Variants in ATRNL1 observed in about 807,000 individuals in gnomAD.
The protein encoded by ATRNL1 is attractin like 1, also known as attractin-like protein 1.
A neutral mutation model predicts 182.7 loss-of-function variants in ATRNL1; 95 were observed. The ratio of observed to expected loss-of-function variants is 0.52; its 90% CI spans 0.44 to 0.62. ATRNL1 has a LOEUF of 0.62. ATRNL1 is among the 20% of genes least tolerant of loss of function. The probability of loss-of-function intolerance (pLI) is 0.00; values close to 1 mark genes in which losing one functional copy is unlikely to be tolerated. For missense variants in ATRNL1, 1,471 were observed against 1,679.5 expected, an observed-to-expected ratio of 0.88 and a Z score of 2.17; for synonymous variants, 576 against 568.3, an observed-to-expected ratio of 1.01 and a Z score of -0.19.
intron 27 of ATRNL1, among the ~76,000 whole-genome samples, chr10:115,782,893 T>C (rs910749509): frequency 2.0e-5 from 3 of 152,214 alleles, no homozygotes; most frequent in South Asian, 4.1e-4. Context: ...AGGACAGTTA[T>C]GAAAGATTCT....
At chr10:115,637,615 T>TTAC (rs1411636898) in intron 26 of ATRNL1, among the ~76,000 whole-genome samples, 14 of 147,254 alleles carry the variant, frequency 9.5e-5, no homozygotes, top group African/African-American at 3.5e-4. Flanking sequence ...ATTATTATTA[T>TTAC]TATTATTATT....
chr10:115,842,386 A>C (rs1950830344), intron 27 of ATRNL1, among the ~76,000 whole-genome samples: 1 of 152,100 alleles, frequency 6.6e-6, no homozygotes, highest in Non-Finnish European at 1.5e-5. Flanking sequence ...AAGGATTGGA[A>C]ATTTTAAATT....
chr10:115,140,612 G>T (rs1329143379), intron 5 of ATRNL1, among the ~76,000 whole-genome samples: 2 of 152,088 alleles, frequency 1.3e-5, no homozygotes, highest in African/African-American at 4.8e-5. Context: ...TTATCAAATT[G>T]TTCCTGTTCC....
At chr10:115,323,057 C>T (rs1188275274) in intron 18 of ATRNL1, among the ~76,000 whole-genome samples, 1 of 151,864 alleles carries the variant, frequency 6.6e-6, no homozygotes, top group Non-Finnish European at 1.5e-5. Flanking sequence ...ATGATGTTTT[C>T]AAATAATTTT....
intron 26 of ATRNL1, among the ~76,000 whole-genome samples, chr10:115,551,845 A>G (rs2133814643): frequency 6.6e-6 from 1 of 151,556 alleles, no homozygotes; most frequent in African/African-American, 2.4e-5. Context: ...TTAGTCAAAG[A>G]CAATTGCAGT....
chr10:115,110,776 A>T, intron 1 of ATRNL1, among the ~76,000 whole-genome samples: 1 of 152,328 alleles, frequency 6.6e-6, no homozygotes, highest in African/African-American at 2.4e-5. Context: ...TTCTTTAAAC[A>T]TGATGGTCAA....
intron 9 of ATRNL1, among the ~76,000 whole-genome samples, chr10:115,230,917 G>A (rs982301419): frequency 7.2e-5 from 10 of 138,402 alleles, no homozygotes; most frequent in African/African-American, 2.2e-4. Context: ...GAGAGAGAGA[G>A]AGAGAAAGAG....
At chr10:115,275,596 C>G (rs1554914604) in intron 13 of ATRNL1, among the ~76,000 whole-genome samples, 1 of 152,188 alleles carries the variant, frequency 6.6e-6, no homozygotes, top group Non-Finnish European at 1.5e-5. Context: ...CCCTGCCAAC[C>G]TAGATCCAAT....
chr10:115,414,989 G>A (rs1845321105), intron 20 of ATRNL1, among the ~76,000 whole-genome samples: 2 of 151,920 alleles, frequency 1.3e-5, no homozygotes, highest in African/African-American at 2.4e-5. Flanking sequence ...TTAAAATTAC[G>A]CTACACTGAA....
intron 19 of ATRNL1, among the ~76,000 whole-genome samples, chr10:115,340,559 A>ATTTCCT (rs1379579949): frequency 7.4e-6 from 1 of 135,208 alleles, no homozygotes; most frequent in African/African-American, 2.8e-5. Flanking sequence ...GTTTGGAAGT[A>ATTTCCT]TTTCCTTCTC....
intron 28 of ATRNL1, among the ~76,000 whole-genome samples, chr10:115,890,880 T>A (rs1488097656): frequency 2.0e-5 from 3 of 152,116 alleles, no homozygotes; most frequent in Non-Finnish European, 4.4e-5. Flanking sequence ...GAATATTCAG[T>A]TTGGATATTA....
At chr10:115,870,975 G>A (rs181414691) in intron 28 of ATRNL1, among the ~76,000 whole-genome samples, 10 of 152,152 alleles carry the variant, frequency 6.6e-5, no homozygotes, top group Non-Finnish European at 7.4e-5. Flanking sequence ...TTATTATTTC[G>A]AGTTGCTAAG....
chr10:115,602,853 C>CAAA (rs34414579), intron 26 of ATRNL1, among the ~76,000 whole-genome samples: 8,348 of 126,586 alleles, frequency 0.066, 724 homozygotes, highest in African/African-American at 0.2. Context: ...GACTCCGTCT[C>CAAA]AAAAAAAAAA....
chr10:115,590,912 C>A (rs954285622), intron 26 of ATRNL1, among the ~76,000 whole-genome samples: 2 of 152,156 alleles, frequency 1.3e-5, no homozygotes, highest in African/African-American at 4.8e-5. Context: ...TTTCTGGGAA[C>A]AACTCCCTAG....
At chr10:115,870,641 C>G (rs1951557506) in intron 28 of ATRNL1, among the ~76,000 whole-genome samples, 1 of 152,180 alleles carries the variant, frequency 6.6e-6, no homozygotes, top group South Asian at 2.1e-4. Flanking sequence ...ACCAATCCAT[C>G]TTGACATTAT....
At chr10:115,920,176 C>T (rs888338224) in intron 28 of ATRNL1, among the ~76,000 whole-genome samples, 4 of 152,222 alleles carry the variant, frequency 2.6e-5, no homozygotes, top group South Asian at 2.1e-4. Flanking sequence ...CCCCACTACT[C>T]CATGCCCATG....
Position 115,327,646 on chromosome 10 carries a change from T to C in ATRNL1, c.3038-6636T>C, listed in dbSNP as rs868921391. Among the ~76,000 whole-genome samples, 721 of 150,406 alleles carry C rather than the reference T, an allele frequency of 4.8e-3. 2 individuals are homozygous for C. The highest frequency in any genetic ancestry group is 0.016 in the African/African-American group (635 of 40,714). Reference sequence around the variant, plus strand: ...AAAGACACATGCACACGTATGTTTATTGCGGCACTATTCACAATAGCAAAG... The same window carrying C: ...AAAGACACATGCACACGTATGTTTACTGCGGCACTATTCACAATAGCAAAG... On this transcript the variant is annotated intron_variant, in intron 18 of 28. Transcript: ENST00000355044.
In ATRNL1 at chr10:115,727,811, A is replaced by C. The variant is rs1334244419; in HGVS notation, c.3903+456A>C. Among the ~76,000 whole-genome samples the C allele has an allele frequency of 4.6e-5, 7 of 152,288 alleles. No homozygotes were observed. The East Asian group carries it at 1.4e-3, about 29-fold the overall frequency. ...GAATGTTGAAAAGTGAATGTTTCTC[A>C]CATATAAAATGAATATTTTTATTTG... On this transcript the variant is annotated intron_variant, in intron 27 of 28. Coordinates refer to ENST00000355044, the MANE Select transcript of ATRNL1 (RefSeq NM_207303.4).
chr10:115,236,317 A>G (rs981848413), intron 9 of ATRNL1, among the ~76,000 whole-genome samples: 2 of 152,178 alleles, frequency 1.3e-5, no homozygotes, highest in Non-Finnish European at 2.9e-5. Context: ...CTACATATCT[A>G]TCTGTGCTTA....
Sources: allele counts gnomAD v4.1 joint callset (sites outside exome capture counted in the v4.1 genomes callset), GRCh38; gene constraint gnomAD v4.1.1; transcripts MANE v1.5; gene names NCBI Gene and HGNC (gene_info 2026-07-23, HGNC 2026-07-21).